The following SMC3 variants were observed in gnomAD, a reference collection of about 807,000 sequenced individuals.
SMC3 encodes structural maintenance of chromosomes 3, also known as structural maintenance of chromosomes protein 3.
In SMC3, 20 loss-of-function variants were observed where a neutral mutation model predicts 171.8. The ratio of observed to expected loss-of-function variants is 0.12; its 90% CI spans 0.08 to 0.17. SMC3 has a LOEUF of 0.17. Among genes scored for constraint, SMC3 ranks in the 10% least tolerant of loss-of-function variants. The probability of loss-of-function intolerance (pLI) is 1.00; values close to 1 mark genes in which losing one functional copy is unlikely to be tolerated. For missense variants in SMC3, 543 were observed against 1,420.4 expected, an observed-to-expected ratio of 0.38 and a Z score of 9.93; for synonymous variants, 464 against 451.1, an observed-to-expected ratio of 1.03 and a Z score of -0.36.
chr10:110,571,724 T>C (rs1454330115), intron 2 of SMC3, among the ~76,000 whole-genome samples: 1 of 152,194 alleles, frequency 6.6e-6, no homozygotes, highest in Non-Finnish European at 1.5e-5. Flanking sequence ...TAAACTGTGT[T>C]TACCTCAGTA....
chr10:110,569,936 CTGCTGTTGACACAGTTT>C lies in SMC3; in HGVS notation c.91+930_91+946del, dbSNP rs147318114. On this transcript the variant is annotated intron_variant, in intron 2 of 28. Transcript: ENST00000361804. ...TGCTTCTGGACACCAGAAACACAGA[CTGCTGTTGACACAGTTT>C]TGCTGTACAGAGTCCAAACTAAGTG... Among the ~76,000 whole-genome samples the C allele has an allele frequency of 2.6e-5, 4 of 152,348 alleles. No individual in the cohort carries two copies. In the East Asian group the frequency reaches 5.8e-4, roughly 22 times the overall value.
At chr10:110,578,473 A>C (rs761074541) in intron 6 of SMC3, among the ~76,000 whole-genome samples, 155 bp from the exon 7 acceptor site, 1 of 152,364 alleles carries the variant, frequency 6.6e-6, no homozygotes, top group South Asian at 2.1e-4. Flanking sequence ...CATATAGAGG[A>C]TAAACATAAG....
chr10:110,586,515 G>T (rs1861118818), intron 13 of SMC3, among the ~76,000 whole-genome samples: 1 of 152,146 alleles, frequency 6.6e-6, no homozygotes, highest in Admixed American at 6.5e-5. Flanking sequence ...GGTGCCTCCA[G>T]TGAGAGAATT....
chr10:110,601,414 A>G (rs1354778310), intron 23 of SMC3, among the ~76,000 whole-genome samples: 1 of 152,216 alleles, frequency 6.6e-6, no homozygotes, highest in Non-Finnish European at 1.5e-5. Context: ...AAATAACTAT[A>G]GTTTATAAGC....
At chr10:110,568,007 G>C (rs1474277596) in intron 1 of SMC3, among the ~76,000 whole-genome samples, 176 bp downstream of exon 1, 1 of 152,250 alleles carries the variant, frequency 6.6e-6, no homozygotes, top group East Asian at 1.9e-4. Context: ...CGGCTGCGGG[G>C]TCGCGGAGAA....
Position 110,598,278 on chromosome 10 carries a change from C to G in SMC3, c.2256C>G (p.Thr752=), listed in dbSNP as rs199634096. The change falls in exon 20 of 29, where the codon ACC becomes ACG. Residue 752 remains threonine (T), a synonymous_variant. Transcript: ENST00000361804. The stretch of plus-strand genomic sequence containing the variant: ...AGAAGAGGCAGCAGTCAGAGAAAAC[C>G]TTCATGCCTAAGGTTCGTAAGTATA... ...LKEKRQQSEK[T]FMPKQRSLQS... 3.1e-6 allele frequency: 5 copies of G among 1,613,860 alleles called. No homozygotes were observed. The African/African-American group carries it at 4.0e-5, about 13-fold the overall frequency.
intron 2 of SMC3, among the ~76,000 whole-genome samples, chr10:110,572,325 C>T (rs1860884196): frequency 6.6e-6 from 1 of 152,158 alleles, no homozygotes; most frequent in Middle Eastern, 3.2e-3. Flanking sequence ...TGTCCATTTT[C>T]CAGTTATGTT....
rs1460655839 is a variant in SMC3, at chr10:110,601,939, A to T, written c.2893-27A>T. 6 of 1,607,316 alleles carry T rather than the reference A, an allele frequency of 3.7e-6. No individual in the cohort carries two copies. The East Asian group carries it at 6.7e-5, about 18-fold the overall frequency. On this transcript the variant is annotated intron_variant, in intron 24 of 28. Coordinates refer to ENST00000361804, the MANE Select transcript of SMC3 (RefSeq NM_005445.4). ...AATTGCTCAGTATATAAATTTATTT[A>T]TATGAATACATATTTTCTCTTTATA...
At chr10:110,568,055 C>T (rs1354287879) in intron 1 of SMC3, among the ~76,000 whole-genome samples, 5 of 152,190 alleles carry the variant, frequency 3.3e-5, no homozygotes, top group Admixed American at 6.5e-5. Flanking sequence ...TCCCTGCTGG[C>T]GCTTGTCTGG....
intron 3 of SMC3, among the ~76,000 whole-genome samples, 171 bp from the exon 4 acceptor site, chr10:110,575,165 T>C (rs891522306): frequency 6.6e-6 from 1 of 152,222 alleles, no homozygotes; most frequent in Non-Finnish European, 1.5e-5. Context: ...CCTACCTGAT[T>C]AGTCTGATGT....
At chr10:110,599,880 C>CT in intron 21 of SMC3, 68 bp downstream of exon 21, 1 of 1,367,276 alleles carries the variant, frequency 7.3e-7, no homozygotes, top group Non-Finnish European at 1.0e-6. Context: ...GCCTTTCTTG[C>CT]TAACTAGGGC....
intron 2 of SMC3, among the ~76,000 whole-genome samples, chr10:110,570,747 T>A (rs1189238525): frequency 6.6e-6 from 1 of 152,246 alleles, no homozygotes; most frequent in Non-Finnish European, 1.5e-5. Context: ...ATCAGTTAGT[T>A]GTGTTACCTC....
At chr10:110,584,038 A>G (rs1381430703) in intron 12 of SMC3, 76 bp downstream of exon 12, 1 of 1,561,078 alleles carries the variant, frequency 6.4e-7, no homozygotes, top group Non-Finnish European at 8.8e-7. Context: ...GAGCTCAATT[A>G]TATAGTAGCT....
At chr10:110,568,844 T>C (rs1164887902) in intron 1 of SMC3, 94 bp from the exon 2 acceptor site, 2 of 766,180 alleles carry the variant, frequency 2.6e-6, no homozygotes, top group Non-Finnish European at 4.6e-6. Flanking sequence ...GAGTTTTCTA[T>C]ATTGCATTAA....
At chr10:110,571,892 TTA>T (rs1272963387) in intron 2 of SMC3, among the ~76,000 whole-genome samples, 3 of 152,234 alleles carry the variant, frequency 2.0e-5, no homozygotes, top group Non-Finnish European at 4.4e-5. Context: ...TGAAATATCT[TTA>T]TTAAATATTC....
chr10:110,583,986 T>G (rs761979998), intron 12 of SMC3, 24 bp downstream of exon 12: 1 of 1,611,532 alleles, frequency 6.2e-7, no homozygotes, highest in East Asian at 2.2e-5. Context: ...CACCAACACT[T>G]TAACTTTCTA....
intron 18 of SMC3, among the ~76,000 whole-genome samples, chr10:110,595,310 G>C (rs888884149): frequency 2.0e-5 from 3 of 151,968 alleles, no homozygotes; most frequent in Non-Finnish European, 4.4e-5. Context: ...AGTTCCTCCT[G>C]CTCCCTTCTC....
intron 6 of SMC3, 74 bp downstream of exon 6, chr10:110,577,988 G>C (rs2134719605): frequency 1.9e-6 from 2 of 1,045,930 alleles, no homozygotes; most frequent in East Asian, 4.9e-5. Flanking sequence ...GTGTTGGCCA[G>C]GTTGGTCTCG....
At chr10:110,587,602 C>T (rs556826041) in intron 13 of SMC3, among the ~76,000 whole-genome samples, 61 of 151,302 alleles carry the variant, frequency 4.0e-4, no homozygotes, top group African/African-American at 1.4e-3. Flanking sequence ...AGGAGAATGG[C>T]GTGAACCTGG....
Sources: allele counts gnomAD v4.1 joint callset (sites outside exome capture counted in the v4.1 genomes callset), GRCh38; gene constraint gnomAD v4.1.1; transcripts MANE v1.5; gene names NCBI Gene and HGNC (gene_info 2026-07-23, HGNC 2026-07-21).